SARNP: variants seen among roughly 807,000 people sequenced by gnomAD.
SARNP encodes SAP domain-containing ribonucleoprotein.
In SARNP, 5 loss-of-function variants were observed where a neutral mutation model predicts 38.1. That is an observed-to-expected ratio of 0.13 (90% CI 0.07 to 0.28). The LOEUF is 0.28. Among genes scored for constraint, SARNP ranks in the 10% least tolerant of loss-of-function variants. The pLI, the probability that SARNP is intolerant of heterozygous loss-of-function variation, is 1.00. For missense variants in SARNP, 180 were observed against 243.9 expected (o/e 0.74, Z 1.75); for synonymous variants, 84 against 80.6 (o/e 1.04, Z -0.23).
At chr12:55,774,918 G>A (rs182153854) in intron 9 of SARNP, among the ~76,000 whole-genome samples, 16 of 123,442 alleles carry the variant, frequency 1.3e-4, no homozygotes, top group African/African-American at 4.6e-4. Context: ...ATGGAGTCTC[G>A]CTCTGTCGCC....
chr12:55,813,539 A>ATTTTTTT (rs11412761), intron 1 of SARNP, among the ~76,000 whole-genome samples: 2 of 108,082 alleles, frequency 1.9e-5, no homozygotes, highest in Non-Finnish European at 3.5e-5. Context: ...GCTGCCTGGA[A>ATTTTTTT]TTTTTTTTTT....
chr12:55,757,254 C>G (rs1425927381), downstream of SARNP: 34 of 328,944 alleles, frequency 1.0e-4, no homozygotes, highest in Non-Finnish European at 1.8e-4. Context: ...AAAGGAGCAC[C>G]TAATAAAACA....
intron 9 of SARNP, among the ~76,000 whole-genome samples, chr12:55,763,935 G>A (rs952482175): frequency 6.6e-6 from 1 of 152,102 alleles, no homozygotes; most frequent in African/African-American, 2.4e-5. Context: ...CCTCCTCAAG[G>A]TATCTCACTT....
intron 1 of SARNP, among the ~76,000 whole-genome samples, chr12:55,811,964 T>C (rs1255876994): frequency 6.6e-6 from 1 of 152,236 alleles, no homozygotes; most frequent in Non-Finnish European, 1.5e-5. Context: ...TGCCTCACTA[T>C]AGTTTATTCT....
chr12:55,761,691 C>G (rs756588735), intron 9 of SARNP: 5 of 152,138 alleles, frequency 3.3e-5, no homozygotes, highest in African/African-American at 9.7e-5. Context: ...GAACCTAAAC[C>G]CTACCATTTT....
At chr12:55,803,754 C>T (rs1285867831) in intron 1 of SARNP, 26 bp from the exon 2 acceptor site, 1 of 1,523,854 alleles carries the variant, frequency 6.6e-7, no homozygotes, top group Admixed American at 1.7e-5. Flanking sequence ...TAAAACTTTT[C>T]CTTAGTTAAC....
At chr12:55,792,637 G>C (rs1043272402) in intron 7 of SARNP, 2 of 149,966 alleles carry the variant, frequency 1.3e-5, no homozygotes, top group African/African-American at 4.9e-5. Context: ...ACCTGCCTTG[G>C]CCTCCCAAAG....
At chr12:55,777,551 T>C (rs1460336616) in intron 9 of SARNP, among the ~76,000 whole-genome samples, 2 of 151,960 alleles carry the variant, frequency 1.3e-5, no homozygotes, top group Admixed American at 1.3e-4. Flanking sequence ...ATTTTTTGTA[T>C]TTTTAGTAGA....
intron 9 of SARNP, among the ~76,000 whole-genome samples, chr12:55,787,387 T>G (rs1481863884): frequency 6.6e-6 from 1 of 152,192 alleles, no homozygotes. Flanking sequence ...GTAAGTTTCT[T>G]CCAATGGCTT....
intron 9 of SARNP, among the ~76,000 whole-genome samples, chr12:55,767,755 G>A (rs898697919): frequency 2.7e-5 from 4 of 150,340 alleles, no homozygotes; most frequent in Non-Finnish European, 5.9e-5. Flanking sequence ...GCTGAGGCAG[G>A]AGAATGGTGT....
chr12:55,796,073 T>C lies in SARNP; in HGVS notation c.255A>G (p.Ala85=). The change falls in exon 5 of 11, where the codon GCA becomes GCG. Residue 85 remains alanine, a synonymous_variant. Transcript: ENST00000336133. ...TAATTTTCACCACTTTCTTCTCTGCTGCCCTAGAAAAGAAAGAGATTTTTT... is the reference window on the plus strand; with the variant it reads ...TAATTTTCACCACTTTCTTCTCTGCCGCCCTAGAAAAGAAAGAGATTTTTT... ...EEPPEKTVDV[A]AEKKVVKITS... is the part of the protein sequence containing the mutation. The C allele has an allele frequency of 1.2e-6, 2 of 1,607,216 alleles. No individual in the cohort carries two copies. Among genetic ancestry groups the C allele is most frequent in the Non-Finnish European group, 1.7e-6 (2 of 1,174,018 alleles).
At chr12:55,791,775 A>G (rs1050829627) in intron 7 of SARNP, among the ~76,000 whole-genome samples, 7 of 152,192 alleles carry the variant, frequency 4.6e-5, no homozygotes, top group African/African-American at 1.7e-4. Context: ...ATTATCACCA[A>G]GAAACTAGCC....
At chr12:55,792,364 G>A (rs1879697237) in intron 7 of SARNP, among the ~76,000 whole-genome samples, 1 of 151,598 alleles carries the variant, frequency 6.6e-6, no homozygotes, top group African/African-American at 2.4e-5. Context: ...CCTGAGAAAA[G>A]GGGCTATGTT....
chr12:55,767,383 CAAA>C (rs762337868), intron 9 of SARNP, among the ~76,000 whole-genome samples: 2 of 131,152 alleles, frequency 1.5e-5, no homozygotes, highest in African/African-American at 2.8e-5. Context: ...CCATCTCTAC[CAAA>C]AAAAAAAAAA....
At chr12:55,776,174 G>A (rs1879175034) in intron 9 of SARNP, among the ~76,000 whole-genome samples, 1 of 152,172 alleles carries the variant, frequency 6.6e-6, no homozygotes, top group African/African-American at 2.4e-5. Flanking sequence ...GCTAGGTGCA[G>A]TGGCTTCCGT....
intron 10 of SARNP, among the ~76,000 whole-genome samples, chr12:55,760,191 T>A (rs984111475): frequency 5.3e-5 from 8 of 152,100 alleles, no homozygotes; most frequent in African/African-American, 1.9e-4. Flanking sequence ...AAGCAAAATA[T>A]TTGGACACTT....
At chr12:55,804,525 A>G (rs1880078849) in intron 1 of SARNP, among the ~76,000 whole-genome samples, 1 of 152,204 alleles carries the variant, frequency 6.6e-6, no homozygotes, top group Admixed American at 6.5e-5. Flanking sequence ...TCAAAACTTC[A>G]GTTATATAAA....
At chr12:55,794,436 G>C in intron 6 of SARNP, 49 bp from the exon 7 acceptor site, 1 of 1,543,606 alleles carries the variant, frequency 6.5e-7, no homozygotes, top group East Asian at 2.2e-5. Flanking sequence ...TCACACTCCT[G>C]GTTTGTCTGT....
In SARNP at chr12:55,794,638, A is replaced by G. The variant is rs573381406; in HGVS notation, c.377+169T>C. 3.3e-5 allele frequency among the ~76,000 whole-genome samples: 5 copies of G among 152,326 alleles called. No homozygotes were observed. In the East Asian group the frequency reaches 9.6e-4, roughly 29 times the overall value. On this transcript the variant is annotated intron_variant, in intron 6 of 10. Transcript: ENST00000336133. ...TCTCAATAAAGCTCAATTTATAGCT[A>G]CTATAACCAAATCAGTAGACATGTT...
Sources: allele counts gnomAD v4.1 joint callset (sites outside exome capture counted in the v4.1 genomes callset), GRCh38; gene constraint gnomAD v4.1.1; transcripts MANE v1.5; gene names NCBI Gene and HGNC (gene_info 2026-07-23, HGNC 2026-07-21).